CDC20B: variants seen among roughly 807,000 people sequenced by gnomAD.
CDC20B encodes cell division cycle protein 20 homolog B.
A neutral mutation model predicts 64.1 loss-of-function variants in CDC20B; 58 were observed. The observed-to-expected ratio is 0.90, with a 90% CI of 0.73 to 1.13. The LOEUF (loss-of-function observed/expected upper bound fraction) is 1.13. CDC20B is among the 50% of genes most tolerant of loss of function. The pLI, the probability that CDC20B is intolerant of heterozygous loss-of-function variation, is 0.00. For missense variants in CDC20B, 597 were observed against 633.0 expected, an observed-to-expected ratio of 0.94 and a Z score of 0.61; for synonymous variants, 243 against 230.6, an observed-to-expected ratio of 1.05 and a Z score of -0.49.
intron 2 of CDC20B, 87 bp from the exon 3 acceptor site, chr5:55,146,943 A>C (rs1580354501): frequency 1.3e-6 from 1 of 773,670 alleles, no homozygotes; most frequent in East Asian, 2.7e-5. Context: ...CAAATGACTC[A>C]TCTAGTACAA....
At chr5:55,143,690 A>C (rs1743393512) in intron 3 of CDC20B, 47 bp from the exon 4 acceptor site, 1 of 1,529,032 alleles carries the variant, frequency 6.5e-7, no homozygotes, top group South Asian at 1.3e-5. Flanking sequence ...AAAACAAGAT[A>C]ATCACTTTGA....
intron 2 of CDC20B, among the ~76,000 whole-genome samples, chr5:55,161,976 C>T (rs573986486): frequency 5.2e-4 from 78 of 150,386 alleles, no homozygotes; most frequent in African/African-American, 1.9e-3. Context: ...GTAAAATGGG[C>T]TATCAATAGT....
At chr5:55,138,872 A>G (rs1194693540) in intron 5 of CDC20B, among the ~76,000 whole-genome samples, 2 of 152,094 alleles carry the variant, frequency 1.3e-5, no homozygotes, top group African/African-American at 4.8e-5. Context: ...AAAAAGTGAG[A>G]TGAAAAATAG....
In CDC20B at chr5:55,113,819, G is replaced by A. The variant is rs983714158; in HGVS notation, c.*399C>T. ...ATGTGTTGAGATTGAGCTAAAGACAGGAAAGTATCTCAAAAGGGAACTATC... is the reference window on the plus strand; with the variant it reads ...ATGTGTTGAGATTGAGCTAAAGACAAGAAAGTATCTCAAAAGGGAACTATC... On this transcript the variant is annotated 3_prime_UTR_variant, in exon 12 of 12. Transcript: ENST00000381375. The A allele has an allele frequency of 6.1e-6, 1 of 164,560 alleles. No homozygotes were observed. 10.2% of individuals were successfully genotyped at this position (164,560 alleles called of 1,614,324 possible). A position where few individuals can be genotyped will look rare whatever the true frequency, so the allele number is the denominator to read the frequency against.
intron 5 of CDC20B, among the ~76,000 whole-genome samples, chr5:55,138,149 A>G (rs1042584375): frequency 3.7e-5 from 5 of 134,652 alleles, no homozygotes; most frequent in African/African-American, 1.1e-4. Context: ...ATGAAACAAA[A>G]AAATAGATTT....
At position 55,113,997 on chromosome 5, in the gene CDC20B, G is replaced by A; in HGVS notation, c.*221C>T. ...ATGGGAGGAAGAAGAGGAGGGGGAG[G>A]AAGAGGGGCAGAAAGAAGAAAGCAG... On this transcript the variant is annotated 3_prime_UTR_variant, in exon 12 of 12. Transcript: ENST00000381375. The A allele has an allele frequency of 1.5e-6, 1 of 672,396 alleles. No homozygotes were observed. Among genetic ancestry groups the A allele is most frequent in the Non-Finnish European group, 2.3e-6 (1 of 443,366 alleles). The allele number at this position is 672,396 out of a possible 1,614,324, so 41.7% of individuals were successfully genotyped here. A position where few individuals can be genotyped will look rare whatever the true frequency, so the allele number is the denominator to read the frequency against.
At position 55,143,504 on chromosome 5, in the gene CDC20B, T is replaced by C. The variant is rs1743386802; in HGVS notation, c.486+9A>G. On this transcript the variant is annotated intron_variant, in intron 4 of 11. Coordinates refer to ENST00000381375, the MANE Select transcript of CDC20B (RefSeq NM_001170402.1). ...ATGTGGGATCTTCAGTTTTTTTCTC[T>C]TTACCTACCTGCCCTTTTGAGGCAA... 1 of 1,576,866 alleles carries C rather than the reference T, an allele frequency of 6.3e-7. No homozygotes were observed. The highest frequency in any genetic ancestry group is 2.3e-5 in the East Asian group (1 of 44,432).
rs1365254566 is a variant in CDC20B, at chr5:55,161,225, G to A, written c.126+11363C>T. On this transcript the variant is annotated intron_variant, in intron 2 of 11. Transcript: ENST00000381375. Reference sequence around the variant, plus strand: ...CCACAAGATTAAGATTCTAGGATCTGAAGGAGAACCTGCATTTAGATTTCT... The same window carrying A: ...CCACAAGATTAAGATTCTAGGATCTAAAGGAGAACCTGCATTTAGATTTCT... 7.3e-5 allele frequency: 118 copies of A among 1,613,856 alleles called. 1 individual carries two copies. The highest frequency in any genetic ancestry group is 9.8e-5 in the Non-Finnish European group (116 of 1,179,896).
At chr5:55,160,900 T>C in intron 2 of CDC20B, 2 of 1,278,014 alleles carry the variant, frequency 1.6e-6, no homozygotes, top group Non-Finnish European at 2.1e-6. Flanking sequence ...GAGGTTATAG[T>C]CCCCCCCAAA....
chr5:55,170,441 A>G (rs1744559442), intron 2 of CDC20B: 1 of 474,740 alleles, frequency 2.1e-6, no homozygotes, highest in Non-Finnish European at 4.4e-6. Context: ...TAATGGCAAT[A>G]ATATATTATG....
At chr5:55,167,839 G>A (rs1199749668) in intron 2 of CDC20B, among the ~76,000 whole-genome samples, 1 of 152,064 alleles carries the variant, frequency 6.6e-6, no homozygotes, top group African/African-American at 2.4e-5. Flanking sequence ...ACTCCAGGCT[G>A]GGCAACAGAG....
At position 55,146,809 on chromosome 5, in the gene CDC20B, A is replaced by G; in HGVS notation, c.174T>C (p.Phe58=). ...NATYSDFKSN[F]AKRLSAEVPV... ...GAACCTCTGCGGACAGCCTCTTCGC[A>G]AAGTTGCTCTTAAAGTCAGAATACG... Residue 58 remains phenylalanine, a synonymous_variant, in exon 3 of 12, where the codon TTT becomes TTC. Transcript: ENST00000381375. 1 of 1,614,148 alleles carries G rather than the reference A, an allele frequency of 6.2e-7. No homozygotes were observed. The highest frequency in any genetic ancestry group is 8.5e-7 in the Non-Finnish European group (1 of 1,180,022).
At chr5:55,170,769 C>A (rs774339663) in intron 2 of CDC20B, 75 of 509,510 alleles carry the variant, frequency 1.5e-4, no homozygotes, top group Non-Finnish European at 9.1e-5. Context: ...CCCAGGCAGT[C>A]ACTGAGGCTA....
At chr5:55,127,146 ATTTTG>A (rs1742912929) in intron 8 of CDC20B, 106 bp downstream of exon 8, 5 of 917,110 alleles carry the variant, frequency 5.5e-6, no homozygotes, top group South Asian at 1.5e-5. Context: ...CCAATGGCCT[ATTTTG>A]TTTTATTTTT....
At chr5:55,160,972 GA>G in intron 2 of CDC20B, 1 of 1,584,016 alleles carries the variant, frequency 6.3e-7, no homozygotes, top group Non-Finnish European at 8.6e-7. Flanking sequence ...TTTCCGGTTG[GA>G]TTTTTTTCTT....
intron 2 of CDC20B, among the ~76,000 whole-genome samples, chr5:55,153,240 T>TAA (rs1206577177): frequency 0.022 from 1,932 of 87,532 alleles, 113 homozygotes; most frequent in East Asian, 0.051. Flanking sequence ...CCTTGTCTCA[T>TAA]AAAAAAAAAA....
chr5:55,122,316 A>T (rs1169691610), intron 9 of CDC20B, among the ~76,000 whole-genome samples: 3 of 149,148 alleles, frequency 2.0e-5, no homozygotes, highest in Admixed American at 6.7e-5. Context: ...GTTGCCGAGG[A>T]TGGAGTGCAG....
At chr5:55,171,303 ACT>A (rs1242120974) in intron 2 of CDC20B, among the ~76,000 whole-genome samples, 2 of 152,118 alleles carry the variant, frequency 1.3e-5, no homozygotes, top group African/African-American at 2.4e-5. Context: ...ACAAAGTGAG[ACT>A]CTGTCTCAAA....
At chr5:55,120,272 G>GT (rs1482708999) in intron 10 of CDC20B, among the ~76,000 whole-genome samples, 153 bp downstream of exon 10, 1 of 152,136 alleles carries the variant, frequency 6.6e-6, no homozygotes, top group Non-Finnish European at 1.5e-5. Context: ...AAATGAAGAG[G>GT]TTTTTACAAT....
Sources: allele counts gnomAD v4.1 joint callset (sites outside exome capture counted in the v4.1 genomes callset), GRCh38; gene constraint gnomAD v4.1.1; transcripts MANE v1.5; gene names NCBI Gene and HGNC (gene_info 2026-07-23, HGNC 2026-07-21).